Variants in MICAL1 observed in about 807,000 individuals in gnomAD.
MICAL1 encodes [F-actin]-monooxygenase MICAL1.
A neutral mutation model predicts 131.8 loss-of-function variants in MICAL1; 95 were observed. The observed-to-expected ratio is 0.72, with a 90% CI of 0.61 to 0.86. MICAL1 has a LOEUF of 0.86. Among genes scored for constraint, MICAL1 ranks in the 40% least tolerant of loss-of-function variants. The pLI is 0.00. For missense variants in MICAL1, 1,292 were observed against 1,380.6 expected (o/e 0.94, Z 1.02); for synonymous variants, 546 against 554.2 (o/e 0.99, Z 0.21).
Position 109,445,261 on chromosome 6 carries a change from C to G in MICAL1, c.2817G>C (p.Glu939Asp), listed in dbSNP as rs765086578. 6.2e-7 allele frequency: 1 copy of G among 1,614,128 alleles called. No homozygotes were observed. The highest frequency in any genetic ancestry group is 2.2e-5 in the East Asian group (1 of 44,874). ...QTIQRRLNEIEAALRELEAEG... is the reference protein window; with the variant it reads ...QTIQRRLNEIDAALRELEAEG... ...CGGCCTCTAGCTCCCTCAAGGCAGC[C>G]TCAATCTCATTTAGTCGCCGTTGGA... The change falls in exon 22 of 25, where the codon GAG (glutamate) becomes GAC (aspartate). Residue 939 changes from glutamate (E) to aspartate (D), a missense_variant. Physicochemically the swap from Glu to Asp is conservative, Grantham distance 45. Transcript: ENST00000358807.
intron 6 of MICAL1, 168 bp from the exon 7 acceptor site, chr6:109,451,868 C>T: frequency 7.1e-7 from 1 of 1,413,636 alleles, no homozygotes; most frequent in Non-Finnish European, 9.2e-7. Context: ...ACCATCTGTC[C>T]CAGGCCCAGG....
rs893314688 is a variant in MICAL1 at position 109,446,680 on chromosome 6, C to T, written c.2304+16G>A. ...CTTCCCATGCCCCAATATACATACA[C>T]GCCTTCAGTCTTTACCGGACTCTCA... On this transcript the variant is annotated intron_variant, in intron 18 of 24. Transcript: ENST00000358807. The T allele has an allele frequency of 2.2e-5, 36 of 1,611,712 alleles. No homozygotes were observed. The Admixed American group carries it at 2.3e-4, about 10-fold the overall frequency.
intron 1 of MICAL1, chr6:109,462,870 A>G (rs555435245): frequency 6.6e-6 from 1 of 152,374 alleles, no homozygotes; most frequent in South Asian, 2.1e-4. Flanking sequence ...AAACAATTTA[A>G]AAAATGGTAC....
chr6:109,456,789 AAC>A (rs1347495331), upstream of MICAL1, among the ~76,000 whole-genome samples: 1 of 152,188 alleles, frequency 6.6e-6, no homozygotes, highest in African/African-American at 2.4e-5. Flanking sequence ...CAGTGCTTGC[AAC>A]AGTCCCATTT....
In MICAL1 at chr6:109,444,759, C is replaced by T. The variant is rs1472533898; in HGVS notation, c.3021G>A (p.Leu1007=). The T allele has an allele frequency of 6.2e-7, 1 of 1,614,132 alleles. No homozygotes were observed. The highest frequency in any genetic ancestry group is 8.5e-7 in the Non-Finnish European group (1 of 1,180,042). The change falls in exon 24 of 25, where the codon CTG becomes CTA. Residue 1007 remains leucine (L), a synonymous_variant. Coordinates refer to ENST00000358807, the MANE Select transcript of MICAL1 (RefSeq NM_022765.4). ...TCATGTAGCCTCGTAGCTCCTGGTC[C>T]AGCTGCCACTGTTTCTCCTCCAGAT... ...ELNLEEKQWQ[L]DQELRGYMNR...
In MICAL1 at chr6:109,444,097, G is replaced by A; in HGVS notation, c.*94C>T. On this transcript the variant is annotated 3_prime_UTR_variant, in exon 25 of 25. Transcript: ENST00000358807. ...AAACATTTTAATTGTAAACAGCAAG[G>A]CTCTCTGCCAGGCAGCCCAGATGAA... The A allele has an allele frequency of 8.5e-6, 13 of 1,521,796 alleles. No homozygotes were observed. Among genetic ancestry groups the A allele is most frequent in the Admixed American group, 2.1e-5 (1 of 46,956 alleles). The allele number at this position is 1,521,796 out of a possible 1,614,324, so 94.3% of individuals were successfully genotyped here. A position where few individuals can be genotyped will look rare whatever the true frequency, so the allele number is the denominator to read the frequency against.
At chr6:109,449,036 C>T (rs1452995000) in intron 11 of MICAL1, 157 bp from the exon 12 acceptor site, 1 of 930,224 alleles carries the variant, frequency 1.1e-6, no homozygotes, top group Non-Finnish European at 1.6e-6. Context: ...AGCAGCTCTC[C>T]ATCCCAATTC....
chr6:109,448,123 T>G (rs1358453976), intron 13 of MICAL1, 80 bp downstream of exon 13: 2 of 1,253,308 alleles, frequency 1.6e-6, no homozygotes, highest in Non-Finnish European at 2.1e-6. Context: ...CACACCGCCT[T>G]CTCCCTCTGT....
chr6:109,453,379 A>G lies in MICAL1; in HGVS notation c.467-12T>C. 6.2e-7 allele frequency: 1 copy of G among 1,611,928 alleles called. No individual in the cohort carries two copies. The highest frequency in any genetic ancestry group is 8.5e-7 in the Non-Finnish European group (1 of 1,178,712). On this transcript the variant is annotated splice_polypyrimidine_tract_variant and intron_variant, in intron 3 of 24. Transcript: ENST00000358807. ...GAGCTGCCTGATGCCTGGAAGGGAG[A>G]GGACATTAGGAACAGGGACCCTAGG...
intron 6 of MICAL1, 126 bp from the exon 7 acceptor site, chr6:109,451,826 A>G (rs1775555525): frequency 2.7e-6 from 4 of 1,478,280 alleles, no homozygotes; most frequent in Admixed American, 2.2e-5. Context: ...TGCTCCACGC[A>G]TAGAACCCCA....
rs748137381 is a variant in MICAL1 at position 109,449,432 on chromosome 6, T to C, written c.1484A>G (p.Asn495Ser). 6.2e-7 allele frequency: 1 copy of C among 1,614,178 alleles called. No homozygotes were observed. The highest frequency in any genetic ancestry group is 8.5e-7 in the Non-Finnish European group (1 of 1,180,024). The change falls in exon 11 of 25, where the codon AAC becomes AGC. Residue 495 changes from asparagine to serine, a missense_variant. Transcript: ENST00000358807. ...VLAKEPVQRN[N>S]DKTDTGMPAT... ...TGGCATCCCTGTATCTGTCTTGTCG[T>C]TGTTCCTCTGCACAGGCTCCTTGGC...
chr6:109,458,688 A>G (rs12524916), upstream of MICAL1, among the ~76,000 whole-genome samples: 3,399 of 152,256 alleles, frequency 0.022, 132 homozygotes, highest in Admixed American at 0.1. Context: ...TTACGACAGG[A>G]TCCTCCTTCC....
Position 109,444,931 on chromosome 6 carries a change from G to GCT in MICAL1, c.2945_2946insAG (p.Asn982LysfsTer12), listed in dbSNP as rs774055066. The GCT allele has an allele frequency of 2.5e-5, 41 of 1,614,032 alleles. No homozygotes were observed. The highest frequency in any genetic ancestry group is 3.4e-5 in the Non-Finnish European group (40 of 1,180,044). On this transcript the variant is annotated frameshift_variant, in exon 23 of 25. Transcript: ENST00000358807. LOFTEE classifies it high-confidence loss of function. ...GCTCGGCCTCCTCAGCCACCAGGCT[G>GCT]TTTTTCTTGTCAACGAGCTGTAGCA...
Position 109,452,585 on chromosome 6 carries a change from T to C in MICAL1, c.602A>G (p.Asn201Ser), listed in dbSNP as rs141936559. 6 of 1,612,440 alleles carry C rather than the reference T, an allele frequency of 3.7e-6. No individual in the cohort carries two copies. Among genetic ancestry groups the C allele is most frequent in the Non-Finnish European group, 5.1e-6 (6 of 1,179,676 alleles). Residue 201 changes from asparagine to serine, a missense_variant, in exon 5 of 25, where the codon AAC becomes AGC. Coordinates refer to ENST00000358807, the MANE Select transcript of MICAL1 (RefSeq NM_022765.4). Reference sequence around the variant, plus strand: ...ATAGTTGGCCAGCTGGGCAGGGGGGTTGGGTTGGAGCTGGGCACGCCAGCC... The same window carrying C: ...ATAGTTGGCCAGCTGGGCAGGGGGGCTGGGTTGGAGCTGGGCACGCCAGCC... ...GSGWRAQLQP[N>S]PPAQLANYEF...
chr6:109,460,766 G>A (rs1342982990), upstream of MICAL1, among the ~76,000 whole-genome samples: 3 of 151,900 alleles, frequency 2.0e-5, no homozygotes, highest in Non-Finnish European at 4.4e-5. Flanking sequence ...AAGAGTTTAG[G>A]CTTAAGTTTA....
At chr6:109,447,798 A>G (rs1232805246) in intron 14 of MICAL1, 76 bp from the exon 15 acceptor site, 19 of 1,611,806 alleles carry the variant, frequency 1.2e-5, no homozygotes, top group Non-Finnish European at 1.4e-5. Flanking sequence ...TGTCCTCACC[A>G]TCACCCCAGG....
rs1775707156 is a variant in MICAL1 at position 109,455,420 on chromosome 6, C to T, written c.-44+299G>A. On this transcript the variant is annotated intron_variant, in intron 1 of 24. Transcript: ENST00000358807. This position sits in a 1 kb window ranked among gnomAD's most constrained non-coding sequence, Gnocchi z 4.7. ...GGGTGGAGGGTGGAAGGAGGAAGACCTCGGCGAAAGGGGAGAAAGGAGCGA... is the reference window on the plus strand; with the variant it reads ...GGGTGGAGGGTGGAAGGAGGAAGACTTCGGCGAAAGGGGAGAAAGGAGCGA... Among the ~76,000 whole-genome samples the T allele has an allele frequency of 6.6e-6, 1 of 152,128 alleles. No individual in the cohort carries two copies.
Position 109,449,762 on chromosome 6 carries a change from CAG to C in MICAL1, c.1327_1328del (p.Leu443ValfsTer41). ...GCATGTTTTCTGGGGATGTCTGTGACAGAAGCTGGTACAGGCTCTCACTGAGG... is the reference window on the plus strand; with the variant it reads ...GCATGTTTTCTGGGGATGTCTGTGACAAGCTGGTACAGGCTCTCACTGAGG... ...LAERESLYQLLSQTSPENMHR... is the reference protein window; with the variant it reads ...LAERESLYQLXSQTSPENMHR... On this transcript the variant is annotated frameshift_variant, in exon 10 of 25. Transcript: ENST00000358807. LOFTEE classifies it high-confidence loss of function. 1 of 1,609,070 alleles carries C rather than the reference CAG, an allele frequency of 6.2e-7. No homozygotes were observed. The highest frequency in any genetic ancestry group is 8.5e-7 in the Non-Finnish European group (1 of 1,177,514).
intron 1 of MICAL1, among the ~76,000 whole-genome samples, chr6:109,461,901 G>A (rs753276859): frequency 6.6e-5 from 10 of 151,892 alleles, no homozygotes; most frequent in Non-Finnish European, 4.4e-5. Flanking sequence ...TTTCTCTTTG[G>A]GCTCCATGTT....
Sources: allele counts gnomAD v4.1 joint callset (sites outside exome capture counted in the v4.1 genomes callset), GRCh38; gene constraint gnomAD v4.1.1; non-coding constraint Gnocchi (gnomAD v3.1); transcripts MANE v1.5; gene names NCBI Gene and HGNC (gene_info 2026-07-23, HGNC 2026-07-21).